The following CASR variants were observed in gnomAD, a reference collection of about 807,000 sequenced individuals.
The protein encoded by CASR is extracellular calcium-sensing receptor.
A neutral mutation model predicts 69.1 loss-of-function variants in CASR; 23 were observed. That is an observed-to-expected ratio of 0.33 (90% confidence interval 0.24 to 0.47). CASR has a LOEUF of 0.47. Among genes scored for constraint, CASR ranks in the 20% least tolerant of loss-of-function variants. CASR has a pLI of 1.00. For synonymous variants in CASR, 541 were observed against 544.7 expected (o/e 0.99, Z 0.10); for missense variants, 924 against 1,356.1 (o/e 0.68, Z 5.00).
rs527447145 is a variant in CASR at position 122,285,751 on chromosome 3, A to G, written c.*560A>G. On this transcript the variant is annotated 3_prime_UTR_variant, in exon 7 of 7. Transcript: ENST00000639785. ...CATCCAGAAGGTTTGCACCCCTCCT[A>G]TACCATATGTCTGCTTCTGTCCAGG... 1 of 170,338 alleles carries G rather than the reference A, an allele frequency of 5.9e-6. No individual in the cohort carries two copies. The highest frequency in any genetic ancestry group is 5.4e-5 in the Admixed American group (1 of 18,500). 10.6% of individuals were successfully genotyped at this position (170,338 alleles called of 1,614,324 possible). A position where few individuals can be genotyped will look rare whatever the true frequency, so the allele number is the denominator to read the frequency against.
chr3:122,275,257 A>G (rs918235471), intron 4 of CASR, among the ~76,000 whole-genome samples: 6 of 152,244 alleles, frequency 3.9e-5, no homozygotes, highest in Non-Finnish European at 7.3e-5. Context: ...AGGATTTGCC[A>G]TGACTCTGAC....
chr3:122,253,984 C>G lies in CASR; in HGVS notation c.-206C>G. ...GGAGGCCTCTGCATGATGTGGCTTC[C>G]AAAGACTCAAGGACCACCCACATTA... On this transcript the variant is annotated 5_prime_UTR_variant, in exon 2 of 7. Coordinates refer to ENST00000639785, the MANE Select transcript of CASR (RefSeq NM_000388.4). 5 of 615,964 alleles carry G rather than the reference C, an allele frequency of 8.1e-6. No individual in the cohort carries two copies. The highest frequency in any genetic ancestry group is 1.2e-5 in the Non-Finnish European group (4 of 345,722). 38.2% of individuals were successfully genotyped at this position (615,964 alleles called of 1,614,324 possible).
intron 1 of CASR, among the ~76,000 whole-genome samples, chr3:122,224,315 C>T (rs925124113): frequency 7.9e-5 from 12 of 152,172 alleles, no homozygotes; most frequent in Non-Finnish European, 1.8e-4. Flanking sequence ...CAAAAAGGCT[C>T]AGAGAACTGG....
At position 122,284,631 on chromosome 3, in the gene CASR, A is replaced by G. The variant is rs1392921552; in HGVS notation, c.2677A>G (p.Asn893Asp). Residue 893 changes from asparagine to aspartate, a missense_variant, in exon 7 of 7, where the codon AAC becomes GAC. Physicochemically the swap from Asn to Asp is conservative, Grantham distance 23. Around this residue, in one of 8 missense-constraint regions of CASR, gnomAD observed 42 missense variants for 73.2 expected, o/e 0.57. Transcript: ENST00000639785. ...VAARATLRRS[N>D]VSRKRSSSLG... ...TGCCCGGGCCACGCTGCGCCGCAGC[A>G]ACGTCTCCCGCAAGCGGTCCAGCAG... 3.7e-6 allele frequency: 6 copies of G among 1,613,928 alleles called. No homozygotes were observed. Among genetic ancestry groups the G allele is most frequent in the Admixed American group, 3.3e-5 (2 of 59,996 alleles).
At chr3:122,245,957 A>G (rs1029457640) in intron 1 of CASR, among the ~76,000 whole-genome samples, 1 of 152,126 alleles carries the variant, frequency 6.6e-6, no homozygotes, top group Admixed American at 6.5e-5. Context: ...AATCGGGGGG[A>G]AAAAATTACT....
At chr3:122,235,758 G>A (rs976769491) in intron 1 of CASR, among the ~76,000 whole-genome samples, 4 of 152,098 alleles carry the variant, frequency 2.6e-5, no homozygotes, top group African/African-American at 7.2e-5. Context: ...TCATGGCACT[G>A]CACTCCAACC....
At chr3:122,202,876 A>G (rs886149048) in intron 1 of CASR, among the ~76,000 whole-genome samples, 6 of 152,204 alleles carry the variant, frequency 3.9e-5, no homozygotes, top group African/African-American at 1.4e-4. Context: ...TTCCACATGG[A>G]TAACCAGTTG....
At chr3:122,227,695 G>T (rs1476752118) in intron 1 of CASR, among the ~76,000 whole-genome samples, 2 of 152,182 alleles carry the variant, frequency 1.3e-5, no homozygotes, top group African/African-American at 4.8e-5. Flanking sequence ...GAGGCACCGA[G>T]AGTGAGTGAG....
At chr3:122,204,327 G>T (rs1056951197) in intron 1 of CASR, among the ~76,000 whole-genome samples, 1 of 152,052 alleles carries the variant, frequency 6.6e-6, no homozygotes, top group Non-Finnish European at 1.5e-5. Context: ...GAGAACATGC[G>T]ATATTTGTCT....
intron 1 of CASR, among the ~76,000 whole-genome samples, chr3:122,199,828 C>T (rs918409469): frequency 2.0e-5 from 2 of 101,362 alleles, no homozygotes; most frequent in African/African-American, 8.1e-5. Flanking sequence ...AGGACTATAC[C>T]GTGACTATAA....
At chr3:122,215,238 A>G (rs1457988656) in intron 1 of CASR, among the ~76,000 whole-genome samples, 2 of 152,226 alleles carry the variant, frequency 1.3e-5, no homozygotes, top group Non-Finnish European at 1.5e-5. Context: ...TTAAACCATC[A>G]TGCTGGTATG....
intron 4 of CASR, among the ~76,000 whole-genome samples, chr3:122,264,462 G>T (rs979762657): frequency 2.0e-5 from 3 of 152,168 alleles, no homozygotes; most frequent in Admixed American, 6.5e-5. Context: ...TTAGAGTAAG[G>T]GGGGAGTGAA....
At chr3:122,241,915 C>T (rs931377185) in intron 1 of CASR, among the ~76,000 whole-genome samples, 3 of 151,904 alleles carry the variant, frequency 2.0e-5, no homozygotes, top group East Asian at 1.9e-4. Flanking sequence ...AACAACAGAA[C>T]GAAGGACAAA....
At chr3:122,233,735 C>T (rs2074301506) in intron 1 of CASR, among the ~76,000 whole-genome samples, 1 of 152,228 alleles carries the variant, frequency 6.6e-6, no homozygotes. Context: ...ACCACCTCCC[C>T]TTAAAGCCAT....
intron 1 of CASR, among the ~76,000 whole-genome samples, chr3:122,221,227 G>T (rs2074167075): frequency 6.6e-6 from 1 of 152,126 alleles, no homozygotes; most frequent in African/African-American, 2.4e-5. Context: ...ATATATTTTT[G>T]ATCAAGAACA....
rs751540983 is a variant in CASR, at chr3:122,261,880, A to G, written c.845A>G (p.Glu282Gly). 16 of 1,614,068 alleles carry G rather than the reference A, an allele frequency of 9.9e-6. No homozygotes were observed. Among genetic ancestry groups the G allele is most frequent in the Admixed American group, 3.3e-5 (2 of 60,008 alleles). The change falls in exon 4 of 7, where the codon GAG becomes GGG. Residue 282 changes from glutamate to glycine, a missense_variant. By Grantham distance (98) the Glu-to-Gly change is moderately conservative. Around this residue, in one of 8 missense-constraint regions of CASR, gnomAD observed 310 missense variants for 395.7 expected, o/e 0.78. Transcript: ENST00000639785. ...SGPDLEPLIK[E>G]IVRRNITGKI... is the part of the protein sequence containing the mutation. Reference sequence around the variant, plus strand: ...CCAGATCTTGAGCCCCTCATCAAGGAGATTGTCCGGCGCAATATCACGGGC... The same window carrying G: ...CCAGATCTTGAGCCCCTCATCAAGGGGATTGTCCGGCGCAATATCACGGGC...
intron 1 of CASR, among the ~76,000 whole-genome samples, chr3:122,204,032 T>G (rs2221265): frequency 6.6e-6 from 1 of 152,000 alleles, no homozygotes; most frequent in Non-Finnish European, 1.5e-5. Context: ...TCATGTATCT[T>G]GTACAGATGA....
intron 5 of CASR, among the ~76,000 whole-genome samples, chr3:122,280,441 A>C (rs2074875148): frequency 6.6e-6 from 1 of 152,204 alleles, no homozygotes; most frequent in Non-Finnish European, 1.5e-5. Flanking sequence ...AAAATTTAGA[A>C]GCATTCCTAG....
At position 122,198,028 on chromosome 3, in the gene CASR, T is replaced by G. The variant is rs891175575; in HGVS notation, c.-243+14216T>G. On this transcript the variant is annotated intron_variant, in intron 1 of 6. Coordinates refer to ENST00000639785, the MANE Select transcript of CASR (RefSeq NM_000388.4). ...CTGACTTCTCAGAGCTCTGCAGAGC[T>G]TTCTGACTGATGCTTTTTTCTTTAG... is the stretch of plus-strand genomic sequence containing the variant. 1.9e-4 allele frequency among the ~76,000 whole-genome samples: 29 copies of G among 152,368 alleles called. No individual in the cohort carries two copies. In the East Asian group the frequency reaches 3.3e-3, roughly 17 times the overall value.
Sources: gnomAD v4.1 joint callset for allele counts (sites outside exome capture counted in the v4.1 genomes callset) on GRCh38, gnomAD v4.1.1 for gene constraint, gnomAD v4.1.1 regional missense constraint, MANE v1.5 for transcripts, NCBI Gene and HGNC (gene_info 2026-07-23, HGNC 2026-07-21) for gene names.